INSL6: variants seen among roughly 807,000 people sequenced by gnomAD.
The protein encoded by INSL6 is insulin-like peptide INSL6.
INSL6 carries 16 observed loss-of-function variants against 9.4 expected under a neutral mutation model. The observed-to-expected ratio is 1.70, with a 90% CI of 1.15 to 2.59. The LOEUF (loss-of-function observed/expected upper bound fraction) is 2.59. Ranked by LOEUF, INSL6 falls within the 30% of genes most tolerant of loss-of-function variation. The probability of loss-of-function intolerance (pLI) is 0.00; values close to 1 mark genes in which losing one functional copy is unlikely to be tolerated. For synonymous variants in INSL6, 154 were observed against 96.9 expected (o/e 1.59, Z -3.46); for missense variants, 391 against 257.3 (o/e 1.52, Z -3.56).
intron 2 of INSL6, among the ~76,000 whole-genome samples, chr9:5,158,141 C>G (rs1441016017): frequency 1.3e-5 from 2 of 151,986 alleles, no homozygotes; most frequent in African/African-American, 4.8e-5. Context: ...TTTGAAAATA[C>G]AGAGTCAGAG....
At chr9:5,084,117 A>G in the INSL6 span, among the ~76,000 whole-genome samples, 1 of 152,176 alleles carries the variant, frequency 6.6e-6, no homozygotes, top group Admixed American at 6.5e-5. Flanking sequence ...TTTAAACATA[A>G]GTAAATTGAA....
At chr9:5,045,168 G>A in the INSL6 span, among the ~76,000 whole-genome samples, 1 of 152,126 alleles carries the variant, frequency 6.6e-6, no homozygotes, top group Non-Finnish European at 1.5e-5. Context: ...AGACTAGTAG[G>A]AATAGAAATT....
the INSL6 span, among the ~76,000 whole-genome samples, chr9:5,106,648 C>T: frequency 0.24 from 36,946 of 152,172 alleles, 4,906 homozygotes; most frequent in South Asian, 0.3. Flanking sequence ...TTGGAACCAA[C>T]CCAAATGCCC....
the INSL6 span, among the ~76,000 whole-genome samples, chr9:5,062,473 T>A: frequency 0.26 from 34,967 of 133,670 alleles, 4,555 homozygotes; most frequent in South Asian, 0.3. Flanking sequence ...CTTGCTCCAC[T>A]TAAGTTTGTC....
At chr9:5,144,417 C>G (rs1824558648) in intron 2 of INSL6, among the ~76,000 whole-genome samples, 1 of 152,158 alleles carries the variant, frequency 6.6e-6, no homozygotes, top group Admixed American at 6.5e-5. Flanking sequence ...TGTTTTACTT[C>G]TGATTACGTA....
At chr9:5,184,360 C>A (rs907893770) in intron 1 of INSL6, among the ~76,000 whole-genome samples, 17 of 152,142 alleles carry the variant, frequency 1.1e-4, no homozygotes, top group African/African-American at 3.6e-4. Flanking sequence ...AAACAAAGTG[C>A]AATTTCTTTT....
the INSL6 span, among the ~76,000 whole-genome samples, chr9:5,062,403 A>AAAC: frequency 6.6e-6 from 1 of 151,680 alleles, no homozygotes; most frequent in African/African-American, 2.4e-5. Context: ...AAAATTACCA[A>AAAC]AACATGACAC....
At chr9:5,103,325 G>A in the INSL6 span, among the ~76,000 whole-genome samples, 1 of 143,890 alleles carries the variant, frequency 6.9e-6, no homozygotes, top group African/African-American at 2.6e-5. Flanking sequence ...AGACAAAAAA[G>A]GCCATTACAT....
downstream of INSL6, among the ~76,000 whole-genome samples, chr9:5,161,541 C>T (rs1564047844): frequency 6.6e-6 from 1 of 152,122 alleles, no homozygotes; most frequent in Non-Finnish European, 1.5e-5. Flanking sequence ...CAAGGTTGTC[C>T]CCTTTCACTA....
the INSL6 span, among the ~76,000 whole-genome samples, chr9:5,037,417 T>C: frequency 6.6e-6 from 1 of 152,208 alleles, no homozygotes; most frequent in Non-Finnish European, 1.5e-5. Flanking sequence ...CGTATGTTTA[T>C]TGCGGCACTA....
chr9:5,022,350 A>G, the INSL6 span: 1 of 587,068 alleles, frequency 1.7e-6, no homozygotes, highest in Non-Finnish European at 2.9e-6. Context: ...TTTCACATGC[A>G]TAGAAAATGA....
At chr9:4,994,968 A>G in the INSL6 span, among the ~76,000 whole-genome samples, 2 of 152,178 alleles carry the variant, frequency 1.3e-5, no homozygotes, top group African/African-American at 4.8e-5. Context: ...GACTATAACT[A>G]AAGATTAAGT....
At chr9:5,105,207 A>G in the INSL6 span, among the ~76,000 whole-genome samples, 1 of 152,248 alleles carries the variant, frequency 6.6e-6, no homozygotes, top group Non-Finnish European at 1.5e-5. Context: ...CAACTTCAGC[A>G]AAGTCTCAGG....
At chr9:5,055,842 T>C in the INSL6 span, 2 of 1,494,542 alleles carry the variant, frequency 1.3e-6, no homozygotes, top group East Asian at 4.6e-5. Flanking sequence ...CTCAGAAATG[T>C]GTATTTTAGA....
the INSL6 span, among the ~76,000 whole-genome samples, chr9:5,007,178 C>T: frequency 6.6e-6 from 1 of 151,948 alleles, no homozygotes; most frequent in Non-Finnish European, 1.5e-5. Flanking sequence ...GTTGCAACTT[C>T]TTGAAATGAA....
At chr9:5,111,930 G>C in the INSL6 span, 1 of 348,226 alleles carries the variant, frequency 2.9e-6, no homozygotes, top group Non-Finnish European at 5.7e-6. Flanking sequence ...CTACTCTCCG[G>C]ATCACTCAAG....
At chr9:5,149,982 A>C (rs1175725543) in intron 2 of INSL6, among the ~76,000 whole-genome samples, 1 of 152,208 alleles carries the variant, frequency 6.6e-6, no homozygotes, top group Non-Finnish European at 1.5e-5. Context: ...CGTTGACAAA[A>C]GCATACAATG....
At chr9:5,094,885 T>G in the INSL6 span, 1 of 152,176 alleles carries the variant, frequency 6.6e-6, no homozygotes, top group African/African-American at 2.4e-5. Flanking sequence ...TTTTTATGAA[T>G]CCGAACAGCA....
chr9:5,104,343 A>C, the INSL6 span, among the ~76,000 whole-genome samples: 4 of 152,220 alleles, frequency 2.6e-5, no homozygotes, highest in Non-Finnish European at 4.4e-5. Flanking sequence ...GGACACATAC[A>C]CCCTCCCAAG....
Sources: allele counts gnomAD v4.1 joint callset (sites outside exome capture counted in the v4.1 genomes callset), GRCh38; gene constraint gnomAD v4.1.1; transcripts MANE v1.5; gene names NCBI Gene and HGNC (gene_info 2026-07-23, HGNC 2026-07-21).